Variants in ARHGAP6 observed in about 807,000 individuals in gnomAD.
The protein encoded by ARHGAP6 is Rho GTPase activating protein 6, also known as rho GTPase-activating protein 6.
ARHGAP6 carries 16 observed loss-of-function variants against 55.7 expected under a neutral mutation model. That is an observed-to-expected ratio of 0.29 (90% CI 0.19 to 0.44). The LOEUF (loss-of-function observed/expected upper bound fraction) is 0.44. Among genes scored for constraint, ARHGAP6 ranks in the 20% least tolerant of loss-of-function variants. The pLI, the probability that ARHGAP6 is intolerant of heterozygous loss-of-function variation, is 1.00. For synonymous variants in ARHGAP6, 382 were observed against 360.9 expected (o/e 1.06, Z -0.66); for missense variants, 698 against 808.9 (o/e 0.86, Z 1.66).
At chrX:11,536,099 T>C (rs2147067080) in intron 1 of ARHGAP6, among the ~76,000 whole-genome samples, 1 of 111,568 alleles carries the variant, frequency 9.0e-6, no homozygotes, top group Admixed American at 9.5e-5. Flanking sequence ...CAGAGGCTGG[T>C]GAGTGAGCCA....
rs746298534 is a variant in ARHGAP6 at position 11,319,984 on chromosome X, G to A, written c.589-65277C>T. ...TCACACAGAAAAGCAGATGTTATTC[G>A]CGTAACTTCTTTTTTTCAGGTCTAC... is the stretch of plus-strand genomic sequence containing the variant. On this transcript the variant is annotated intron_variant, in intron 1 of 12. Coordinates refer to ENST00000337414, the MANE Select transcript of ARHGAP6 (RefSeq NM_013427.3). Among the ~76,000 whole-genome samples the A allele has an allele frequency of 6.3e-5, 7 of 111,900 alleles. No individual in the cohort carries two copies. The East Asian group carries it at 1.4e-3, about 22-fold the overall frequency.
chrX:11,230,133 T>A (rs1189965207), intron 2 of ARHGAP6, among the ~76,000 whole-genome samples: 4 of 112,228 alleles, frequency 3.6e-5, no homozygotes. Flanking sequence ...ATCTGACTAT[T>A]CTACAGTGGA....
chrX:11,635,331 CTCTAT>C (rs2052406303), intron 1 of ARHGAP6, among the ~76,000 whole-genome samples: 1 of 89,073 alleles, frequency 1.1e-5, no homozygotes, highest in Non-Finnish European at 2.6e-5. Flanking sequence ...AAGTAATTAT[CTCTAT>C]AATAAAGGAT....
chrX:11,506,580 A>C (rs1044106149), intron 1 of ARHGAP6, among the ~76,000 whole-genome samples: 2 of 110,918 alleles, frequency 1.8e-5, no homozygotes, highest in African/African-American at 6.6e-5. Flanking sequence ...TCATCCTTTT[A>C]TATGGCTGCA....
At chrX:11,160,414 G>A (rs1362598266) in intron 9 of ARHGAP6, among the ~76,000 whole-genome samples, 1 of 106,375 alleles carries the variant, frequency 9.4e-6, no homozygotes, top group Non-Finnish European at 1.9e-5. Context: ...CCGAGATCAT[G>A]CCACTGCACT....
chrX:11,209,710 T>G (rs1346153028), intron 2 of ARHGAP6, among the ~76,000 whole-genome samples: 1 of 112,015 alleles, frequency 8.9e-6, no homozygotes, highest in Non-Finnish European at 1.9e-5. Context: ...TTTTATTACC[T>G]CTCAAAATAG....
chrX:11,562,696 G>A (rs1196153614), intron 1 of ARHGAP6, among the ~76,000 whole-genome samples: 1 of 110,093 alleles, frequency 9.1e-6, no homozygotes, highest in African/African-American at 3.3e-5. Flanking sequence ...TAGAGTAGCA[G>A]GCATTACCCT....
intron 1 of ARHGAP6, among the ~76,000 whole-genome samples, chrX:11,515,861 A>G (rs909333900): frequency 8.8e-6 from 1 of 113,024 alleles, no homozygotes; most frequent in African/African-American, 3.2e-5. Flanking sequence ...TTTCTAAAAC[A>G]AAAAGTGAAG....
chrX:11,467,980 AAATG>A (rs58581155), intron 1 of ARHGAP6, among the ~76,000 whole-genome samples: 27,736 of 92,874 alleles, frequency 0.3, 3,302 homozygotes, highest in East Asian at 0.44. Flanking sequence ...ACTCTGTCTT[AAATG>A]AATGAATGAA....
intron 1 of ARHGAP6, among the ~76,000 whole-genome samples, chrX:11,545,418 T>G (rs773239158): frequency 4.5e-5 from 5 of 111,886 alleles, no homozygotes; most frequent in Non-Finnish European, 9.4e-5. Context: ...ATTTATTCCC[T>G]TCAAGGTTTT....
chrX:11,435,445 G>A (rs775468342), intron 1 of ARHGAP6, among the ~76,000 whole-genome samples: 12 of 112,069 alleles, frequency 1.1e-4, no homozygotes, highest in Non-Finnish European at 2.3e-4. Context: ...GAAGGAAATG[G>A]CTAGTCAGTG....
intron 1 of ARHGAP6, among the ~76,000 whole-genome samples, chrX:11,596,402 T>C (rs1264427770): frequency 9.1e-6 from 1 of 110,472 alleles, no homozygotes; most frequent in Non-Finnish European, 1.9e-5. Context: ...GAGGGGAACA[T>C]CACACACCAA....
At chrX:11,372,446 T>C (rs1004462911) in intron 1 of ARHGAP6, among the ~76,000 whole-genome samples, 6 of 111,387 alleles carry the variant, frequency 5.4e-5, no homozygotes, top group Non-Finnish European at 1.1e-4. Flanking sequence ...GATCTCATAT[T>C]CCTCATGCTA....
intron 1 of ARHGAP6, chrX:11,298,698 C>T: frequency 2.5e-6 from 3 of 1,211,082 alleles, no homozygotes; most frequent in Non-Finnish European, 3.4e-6. Flanking sequence ...CCCCCAGCAA[C>T]CAATGATGCC....
intron 1 of ARHGAP6, among the ~76,000 whole-genome samples, chrX:11,630,144 AATATAT>A (rs778856023): frequency 9.0e-6 from 1 of 111,126 alleles, no homozygotes; most frequent in African/African-American, 3.3e-5. Flanking sequence ...TGTATTACCA[AATATAT>A]ATATATGATA....
intron 1 of ARHGAP6, among the ~76,000 whole-genome samples, chrX:11,640,614 G>C (rs935168546): frequency 9.0e-6 from 1 of 111,590 alleles, no homozygotes; most frequent in Non-Finnish European, 1.9e-5. Flanking sequence ...TGGGACTCCT[G>C]TCATAATTTC....
At chrX:11,168,657 T>A (rs1569238593) in intron 9 of ARHGAP6, among the ~76,000 whole-genome samples, 2 of 112,065 alleles carry the variant, frequency 1.8e-5, no homozygotes, top group African/African-American at 6.5e-5. Flanking sequence ...TCTAGTGGAA[T>A]AGGCAGGCTT....
At chrX:11,486,413 G>A (rs1443235663) in intron 1 of ARHGAP6, among the ~76,000 whole-genome samples, 2 of 112,549 alleles carry the variant, frequency 1.8e-5, no homozygotes, top group Admixed American at 1.9e-4. Flanking sequence ...ATCTCTGAGT[G>A]CTTATGATAA....
At chrX:11,595,830 A>T (rs1399701107) in intron 1 of ARHGAP6, among the ~76,000 whole-genome samples, 1 of 112,432 alleles carries the variant, frequency 8.9e-6, no homozygotes, top group Non-Finnish European at 1.9e-5. Flanking sequence ...AATGCTCATC[A>T]TCGCTGGTCA....
Sources: gnomAD v4.1 joint callset for allele counts (sites outside exome capture counted in the v4.1 genomes callset) on GRCh38, gnomAD v4.1.1 for gene constraint, MANE v1.5 for transcripts, NCBI Gene and HGNC (gene_info 2026-07-23, HGNC 2026-07-21) for gene names.